Variants in EFNA5 observed in about 807,000 individuals in gnomAD.
EFNA5 encodes ephrin-A5.
A neutral mutation model predicts 22.9 loss-of-function variants in EFNA5; 5 were observed. The ratio of observed to expected loss-of-function variants is 0.22; its 90% CI spans 0.11 to 0.46. The LOEUF is 0.46. Ranked by LOEUF, EFNA5 falls within the 20% of genes least tolerant of loss-of-function variation. EFNA5 has a pLI of 0.99. For synonymous variants in EFNA5, 113 were observed against 112.2 expected (o/e 1.01, Z -0.04); for missense variants, 237 against 293.3 (o/e 0.81, Z 1.40).
At chr5:107,485,472 T>C (rs1203755851) in intron 1 of EFNA5, among the ~76,000 whole-genome samples, 1 of 148,612 alleles carries the variant, frequency 6.7e-6, no homozygotes, top group African/African-American at 2.6e-5. Context: ...ACTGAATGAA[T>C]CTCTCTCTCT....
chr5:107,524,895 A>C (rs1468635219), intron 1 of EFNA5, among the ~76,000 whole-genome samples: 1 of 152,234 alleles, frequency 6.6e-6, no homozygotes, highest in Non-Finnish European at 1.5e-5. Context: ...AGTAAATATT[A>C]AACTTCTAAA....
At chr5:107,634,584 C>T (rs975263904) in intron 1 of EFNA5, among the ~76,000 whole-genome samples, 3 of 146,060 alleles carry the variant, frequency 2.1e-5, no homozygotes, top group African/African-American at 7.3e-5. Flanking sequence ...AAAACAGGTA[C>T]CCTCCTACCA....
In EFNA5 at chr5:107,379,564, A is replaced by AAAAG. The variant is rs10666059; in HGVS notation, c.*1690_*1691insCTTT. 4 of 151,444 alleles carry AAAAG rather than the reference A, an allele frequency of 2.6e-5. No homozygotes were observed. Among genetic ancestry groups the AAAAG allele is most frequent in the Admixed American group, 2.6e-4 (4 of 15,188 alleles). 9.4% of individuals were successfully genotyped at this position (151,444 alleles called of 1,614,324 possible). ...TGCAAAGCCAAAAAAAAAAAAAAAAAAAGGGCTGGATTGCTTTTCAATTGG... is the reference window on the plus strand; with the variant it reads ...TGCAAAGCCAAAAAAAAAAAAAAAAAAAAGAAGGGCTGGATTGCTTTTCAATTGG... On this transcript the variant is annotated 3_prime_UTR_variant, in exon 5 of 5. Coordinates refer to ENST00000333274, the MANE Select transcript of EFNA5 (RefSeq NM_001962.3).
intron 1 of EFNA5, among the ~76,000 whole-genome samples, chr5:107,498,882 C>T (rs533404452): frequency 6.6e-6 from 1 of 152,208 alleles, no homozygotes; most frequent in South Asian, 2.1e-4. Context: ...ATGGTGATTA[C>T]CCTGTAAATT....
At chr5:107,426,394 A>T (rs1038563365) in intron 2 of EFNA5, among the ~76,000 whole-genome samples, 5 of 152,238 alleles carry the variant, frequency 3.3e-5, no homozygotes, top group Admixed American at 2.0e-4. Flanking sequence ...TGGGAGCTTC[A>T]TACATCCAGA....
At chr5:107,424,941 C>T (rs1487809535) in intron 2 of EFNA5, among the ~76,000 whole-genome samples, 2 of 152,138 alleles carry the variant, frequency 1.3e-5, no homozygotes, top group Non-Finnish European at 2.9e-5. Context: ...AACACCAAGC[C>T]ACTGTGCTTC....
chr5:107,531,477 T>G (rs774554306), intron 1 of EFNA5, among the ~76,000 whole-genome samples: 46 of 152,184 alleles, frequency 3.0e-4, no homozygotes, highest in Non-Finnish European at 6.2e-4. Flanking sequence ...AGAGACTGTT[T>G]CAGGAAACGT....
intron 2 of EFNA5, among the ~76,000 whole-genome samples, chr5:107,411,888 A>G (rs1000242346): frequency 3.9e-5 from 6 of 152,230 alleles, no homozygotes; most frequent in Admixed American, 2.6e-4. Flanking sequence ...TGTTTAAGTT[A>G]GCTGAAGTTG....
intron 1 of EFNA5, among the ~76,000 whole-genome samples, chr5:107,456,127 C>T (rs1380911063): frequency 6.6e-6 from 1 of 152,022 alleles, no homozygotes; most frequent in East Asian, 1.9e-4. Context: ...GTCCATATTC[C>T]ACATGGAGAG....
rs756862492 is a variant in EFNA5, at chr5:107,498,212, G to A, written c.126-70703C>T. Among the ~76,000 whole-genome samples the A allele has an allele frequency of 4.6e-5, 7 of 152,312 alleles. No individual in the cohort carries two copies. The South Asian group carries it at 6.2e-4, about 14-fold the overall frequency. On this transcript the variant is annotated intron_variant, in intron 1 of 4. Transcript: ENST00000333274. ...ATTACAGGCGTGAGCCAACAAGCCC[G>A]GCCTACAATTTATCTTTATATGGTA...
At chr5:107,454,143 T>C (rs1384662044) in intron 1 of EFNA5, among the ~76,000 whole-genome samples, 1 of 152,160 alleles carries the variant, frequency 6.6e-6, no homozygotes, top group Non-Finnish European at 1.5e-5. Flanking sequence ...CTAAAGGAAA[T>C]GCTGATATTC....
At position 107,380,972 on chromosome 5, in the gene EFNA5, G is replaced by A. The variant is rs899841552; in HGVS notation, c.*283C>T. Reference sequence around the variant, plus strand: ...GCTGACGAACCACTGGTGTCACTATGACAATTTGGCATTTTCATCTGGAGT... The same window carrying A: ...GCTGACGAACCACTGGTGTCACTATAACAATTTGGCATTTTCATCTGGAGT... On this transcript the variant is annotated 3_prime_UTR_variant, in exon 5 of 5. Transcript: ENST00000333274. The A allele has an allele frequency of 6.4e-6, 2 of 314,576 alleles. No individual in the cohort carries two copies. Among genetic ancestry groups the A allele is most frequent in the Non-Finnish European group, 1.2e-5 (2 of 171,120 alleles). The allele number at this position is 314,576 out of a possible 1,614,324, so 19.5% of individuals were successfully genotyped here. A position where few individuals can be genotyped will look rare whatever the true frequency, so the allele number is the denominator to read the frequency against.
Position 107,380,835 on chromosome 5 carries a change from A to G in EFNA5, c.*420T>C. 2.4e-6 allele frequency: 1 copy of G among 408,712 alleles called. No individual in the cohort carries two copies. Among genetic ancestry groups the G allele is most frequent in the Non-Finnish European group, 4.3e-6 (1 of 231,414 alleles). 25.3% of individuals were successfully genotyped at this position (408,712 alleles called of 1,614,324 possible). ...CATAAATATTGCATAGGAGAGCAAA[A>G]CCCTCCCAGCCCTAGCCAGCGCTGG... On this transcript the variant is annotated 3_prime_UTR_variant, in exon 5 of 5. Transcript: ENST00000333274.
chr5:107,632,137 C>T (rs1318339204), intron 1 of EFNA5, among the ~76,000 whole-genome samples: 1 of 152,170 alleles, frequency 6.6e-6, no homozygotes, highest in Non-Finnish European at 1.5e-5. Flanking sequence ...TTTCTCTTTA[C>T]TTACCTCTCT....
At chr5:107,639,273 T>C (rs1206403925) in intron 1 of EFNA5, among the ~76,000 whole-genome samples, 1 of 152,190 alleles carries the variant, frequency 6.6e-6, no homozygotes. Flanking sequence ...CAGCATTCAT[T>C]TGGTAAATTC....
intron 1 of EFNA5, among the ~76,000 whole-genome samples, chr5:107,561,994 G>T (rs1216613206): frequency 6.6e-6 from 1 of 152,190 alleles, no homozygotes; most frequent in Admixed American, 6.5e-5. Flanking sequence ...CCCACTGGGG[G>T]ATGGGACGCA....
chr5:107,597,235 AAATT>A (rs1178459831), intron 1 of EFNA5, among the ~76,000 whole-genome samples: 2 of 152,216 alleles, frequency 1.3e-5, no homozygotes, highest in South Asian at 2.1e-4. Flanking sequence ...TATCGAAGTG[AAATT>A]ATGTCCTATA....
intron 1 of EFNA5, among the ~76,000 whole-genome samples, chr5:107,534,751 T>G (rs530041428): frequency 6.6e-6 from 1 of 152,198 alleles, no homozygotes; most frequent in Non-Finnish European, 1.5e-5. Flanking sequence ...GAACAGTGTA[T>G]GTGAGCTCCC....
At chr5:107,492,758 G>A (rs146315927) in intron 1 of EFNA5, among the ~76,000 whole-genome samples, 1,917 of 152,156 alleles carry the variant, frequency 0.013, 46 homozygotes, top group African/African-American at 0.045. Flanking sequence ...CAGCACCTTC[G>A]GAGGCCGAGG....
Sources: gnomAD v4.1 joint callset for allele counts (sites outside exome capture counted in the v4.1 genomes callset) on GRCh38, gnomAD v4.1.1 for gene constraint, MANE v1.5 for transcripts, NCBI Gene and HGNC (gene_info 2026-07-23, HGNC 2026-07-21) for gene names.